Variants in LRRC3B observed in about 807,000 individuals in gnomAD.
The protein encoded by LRRC3B is leucine-rich repeat-containing protein 3B.
A neutral mutation model predicts 12.8 loss-of-function variants in LRRC3B; 2 were observed. That is an observed-to-expected ratio of 0.16 (90% confidence interval 0.06 to 0.49). LRRC3B has a LOEUF of 0.49. Ranked by LOEUF, LRRC3B falls within the 20% of genes least tolerant of loss-of-function variation. The pLI, the probability that LRRC3B is intolerant of heterozygous loss-of-function variation, is 0.96. For missense variants in LRRC3B, 189 were observed against 319.4 expected (o/e 0.59, Z 3.11); for synonymous variants, 132 against 122.0 (o/e 1.08, Z -0.54).
At chr3:26,673,389 A>G (rs1037376151) in intron 1 of LRRC3B, among the ~76,000 whole-genome samples, 1 of 152,176 alleles carries the variant, frequency 6.6e-6, no homozygotes, top group African/African-American at 2.4e-5. Flanking sequence ...AGATAGGTAG[A>G]TGGGGAGAAA....
At chr3:26,699,533 A>C (rs932714473) in intron 1 of LRRC3B, among the ~76,000 whole-genome samples, 22 of 152,152 alleles carry the variant, frequency 1.4e-4, no homozygotes. Flanking sequence ...AACCCAGTGA[A>C]TATTATTACA....
intron 1 of LRRC3B, among the ~76,000 whole-genome samples, chr3:26,690,089 TG>T (rs1475157933): frequency 3.3e-5 from 5 of 152,170 alleles, no homozygotes; most frequent in Non-Finnish European, 5.9e-5. Context: ...ATGTAAAACA[TG>T]GGTGTACCTG....
intron 1 of LRRC3B, among the ~76,000 whole-genome samples, chr3:26,681,258 G>A (rs143972288): frequency 6.0e-4 from 91 of 152,314 alleles, no homozygotes; most frequent in African/African-American, 2.1e-3. Context: ...AATTATAGGT[G>A]TTGATTTCGT....
At chr3:26,643,047 C>G (rs115992962) in intron 1 of LRRC3B, among the ~76,000 whole-genome samples, 1 of 151,184 alleles carries the variant, frequency 6.6e-6, no homozygotes, top group East Asian at 2.0e-4. Context: ...CAGGAGCATT[C>G]AAGTGTGGGC....
intron 1 of LRRC3B, among the ~76,000 whole-genome samples, chr3:26,663,192 G>A (rs1483222357): frequency 6.6e-6 from 1 of 152,092 alleles, no homozygotes; most frequent in African/African-American, 2.4e-5. Flanking sequence ...GCTTGATTGA[G>A]TTCTGTCTCT....
At chr3:26,698,759 G>T (rs571906428) in intron 1 of LRRC3B, among the ~76,000 whole-genome samples, 1 of 151,946 alleles carries the variant, frequency 6.6e-6, no homozygotes, top group Non-Finnish European at 1.5e-5. Flanking sequence ...TGACAGCTGC[G>T]GTTGTCAAGA....
chr3:26,694,815 C>CACTT (rs1395495438), intron 1 of LRRC3B: 8 of 152,314 alleles, frequency 5.3e-5, no homozygotes, highest in Admixed American at 4.6e-4. Context: ...TCTTCTATAG[C>CACTT]ACTTAACACG....
At chr3:26,693,750 GC>G (rs1700244051) in intron 1 of LRRC3B, among the ~76,000 whole-genome samples, 1 of 152,192 alleles carries the variant, frequency 6.6e-6, no homozygotes, top group Non-Finnish European at 1.5e-5. Flanking sequence ...ACTTAGGTAT[GC>G]CTAATTCCAA....
intron 1 of LRRC3B, among the ~76,000 whole-genome samples, chr3:26,636,986 T>TTC (rs1247729485): frequency 8.2e-6 from 1 of 121,964 alleles, no homozygotes; most frequent in African/African-American, 3.7e-5. Flanking sequence ...CTCTCTCTCT[T>TTC]TCTCTCTTTC....
chr3:26,647,359 T>TGAA (rs1316100263), intron 1 of LRRC3B, among the ~76,000 whole-genome samples: 4 of 152,124 alleles, frequency 2.6e-5, no homozygotes, highest in Non-Finnish European at 4.4e-5. Flanking sequence ...GCAGAGACCG[T>TGAA]AGCTTTTGTG....
intron 1 of LRRC3B, among the ~76,000 whole-genome samples, chr3:26,661,010 A>G (rs76477052): frequency 0.028 from 4,273 of 152,352 alleles, 75 homozygotes; most frequent in Middle Eastern, 0.058. Flanking sequence ...TTAATGTGTG[A>G]TCATAATAGC....
intron 1 of LRRC3B, among the ~76,000 whole-genome samples, chr3:26,669,426 C>T (rs1267824057): frequency 6.6e-6 from 1 of 152,102 alleles, no homozygotes; most frequent in Non-Finnish European, 1.5e-5. Flanking sequence ...ACTAGTTTTA[C>T]TAGATCCAGT....
chr3:26,678,139 G>GT (rs1258015302), intron 1 of LRRC3B, among the ~76,000 whole-genome samples: 5 of 152,006 alleles, frequency 3.3e-5, no homozygotes, highest in Admixed American at 6.6e-5. Flanking sequence ...TTTAACAGTA[G>GT]TTTTAGGTAC....
In LRRC3B at chr3:26,678,501, G is replaced by GA. The variant is rs112029745; in HGVS notation, c.-160-31000dup. 1.3e-3 allele frequency among the ~76,000 whole-genome samples: 189 copies of GA among 144,918 alleles called. 1 individual carries two copies. The highest frequency in any genetic ancestry group is 2.8e-3 in the African/African-American group (112 of 40,362). On this transcript the variant is annotated intron_variant, in intron 1 of 1. Coordinates refer to ENST00000396641, the Ensembl canonical transcript of LRRC3B. ...AGATTGAGACCCTGTCTCAAAAAACGAAAAAAAAAAAAGTAGTAGGATTCC... is the reference window on the plus strand; with the variant it reads ...AGATTGAGACCCTGTCTCAAAAAACGAAAAAAAAAAAAAGTAGTAGGATTCC...
chr3:26,645,384 A>G (rs1207384019), intron 1 of LRRC3B, among the ~76,000 whole-genome samples: 1 of 152,142 alleles, frequency 6.6e-6, no homozygotes. Context: ...AAGCAAAGAA[A>G]TCATTTAAAT....
At chr3:26,692,242 G>T (rs1165011456) in intron 1 of LRRC3B, among the ~76,000 whole-genome samples, 1 of 152,216 alleles carries the variant, frequency 6.6e-6, no homozygotes, top group South Asian at 2.1e-4. Context: ...TGGAGAAACT[G>T]AGTAAGGCAA....
rs371621394 is a variant in LRRC3B at position 26,636,970 on chromosome 3, CTT to C, written c.-161+13735_-161+13736del. Among the ~76,000 whole-genome samples, 464 of 115,748 alleles carry C rather than the reference CTT, an allele frequency of 4.0e-3. 13 individuals are homozygous for C. Among genetic ancestry groups the C allele is most frequent in the East Asian group, 0.015 (36 of 2,436 alleles). 75.9% of individuals were successfully genotyped at this position (115,748 alleles called of 152,430 possible). Reference sequence around the variant, plus strand: ...TCTTTCTTTCTTTCTTTCTTTCTTTCTTTCTCTCTCTCTCTTTCTCTCTTTCT... The same window carrying C: ...TCTTTCTTTCTTTCTTTCTTTCTTTCTCTCTCTCTCTCTTTCTCTCTTTCT... On this transcript the variant is annotated intron_variant, in intron 1 of 1. Transcript: ENST00000396641.
At chr3:26,662,931 G>A (rs1399089951) in intron 1 of LRRC3B, among the ~76,000 whole-genome samples, 2 of 152,092 alleles carry the variant, frequency 1.3e-5, no homozygotes, top group African/African-American at 4.8e-5. Context: ...GAGGAAGGAG[G>A]GATATGAGGG....
intron 1 of LRRC3B, among the ~76,000 whole-genome samples, chr3:26,692,300 G>T (rs1018962874): frequency 1.3e-5 from 2 of 152,170 alleles, no homozygotes; most frequent in Admixed American, 1.3e-4. Context: ...TGACTTCTGA[G>T]TCCCTGGTCT....
Sources: gnomAD v4.1 joint callset for allele counts (sites outside exome capture counted in the v4.1 genomes callset) on GRCh38, gnomAD v4.1.1 for gene constraint, MANE v1.5 for transcripts, NCBI Gene and HGNC (gene_info 2026-07-23, HGNC 2026-07-21) for gene names.